Variants in SCGB1D1 observed in about 807,000 individuals in gnomAD.
SCGB1D1 encodes the protein lipophilin A (uteroglobin family member).
Under a neutral mutation model 8.3 loss-of-function variants are expected in SCGB1D1, and 10 were observed. The observed-to-expected ratio is 1.21, with a 90% CI of 0.74 to 2.05. SCGB1D1 has a LOEUF of 2.05. Among genes scored for constraint, SCGB1D1 ranks in the 30% most tolerant of loss-of-function variants. The probability of loss-of-function intolerance (pLI) is 0.00; values close to 1 mark genes in which losing one functional copy is unlikely to be tolerated. For synonymous variants in SCGB1D1, 46 were observed against 41.7 expected, an observed-to-expected ratio of 1.10 and a Z score of -0.39; for missense variants, 94 against 105.1, an observed-to-expected ratio of 0.89 and a Z score of 0.46.
In SCGB1D1 at chr11:62,190,317, G is replaced by A. The variant is rs141616772; in HGVS notation, c.33G>A (p.Thr11=). 5.6e-5 allele frequency: 91 copies of A among 1,614,036 alleles called. No individual in the cohort carries two copies. Among genetic ancestry groups the A allele is most frequent in the Middle Eastern group, 1.6e-4 (1 of 6,082 alleles). MRLSVCLLLL[T]LALCCYRANA... is the part of the protein sequence containing the mutation. Reference sequence around the variant, plus strand: ...TGTCGGTGTGTCTCCTGCTGCTCACGCTGGCCCTTTGCTGCTACCGGGGTG... The same window carrying A: ...TGTCGGTGTGTCTCCTGCTGCTCACACTGGCCCTTTGCTGCTACCGGGGTG... Residue 11 remains threonine, a synonymous_variant, in exon 1 of 3, where the codon ACG becomes ACA. Coordinates refer to ENST00000306238, the MANE Select transcript of SCGB1D1 (RefSeq NM_006552.2).
Position 62,190,330 on chromosome 11 carries a change from T to C in SCGB1D1, c.46T>C (p.Cys16Arg), listed in dbSNP as rs777011732. The C allele has an allele frequency of 1.9e-6, 3 of 1,614,172 alleles. No homozygotes were observed. The highest frequency in any genetic ancestry group is 2.2e-5 in the South Asian group (2 of 91,086). ...CLLLLTLALC[C>R]YRANAVVCQA... The stretch of plus-strand genomic sequence containing the variant: ...CCTGCTGCTCACGCTGGCCCTTTGC[T>C]GCTACCGGGGTGAGTACATCAGTCA... The change falls in exon 1 of 3, where the codon TGC becomes CGC. Residue 16 changes from cysteine to arginine, a missense_variant. Physicochemically the swap from Cys to Arg is radical, Grantham distance 180. Coordinates refer to ENST00000306238, the MANE Select transcript of SCGB1D1 (RefSeq NM_006552.2).
Position 62,193,453 on chromosome 11 carries a change from T to C in SCGB1D1, c.*25T>C, listed in dbSNP as rs1192473598. 1 of 1,595,058 alleles carries C rather than the reference T, an allele frequency of 6.3e-7. No individual in the cohort carries two copies. Among genetic ancestry groups the C allele is most frequent in the South Asian group, 1.1e-5 (1 of 90,334 alleles). On this transcript the variant is annotated 3_prime_UTR_variant, in exon 3 of 3. Transcript: ENST00000306238. ...AGATGTAAAAAGTTTTTAATGCTAG[T>C]TTCCACCATCTTTCAATGATACCCT...
intron 2 of SCGB1D1, 30 bp downstream of exon 2, chr11:62,192,273 C>A: frequency 1.3e-6 from 2 of 1,578,632 alleles, no homozygotes; most frequent in Non-Finnish European, 8.7e-7. Context: ...TGTGTCCAGG[C>A]TTCTGGTCAG....
rs1234074506 is a variant in SCGB1D1 at position 62,192,520 on chromosome 11, C to A, written c.243+277C>A. Among the ~76,000 whole-genome samples, 4 of 152,214 alleles carry A rather than the reference C, an allele frequency of 2.6e-5. No individual in the cohort carries two copies. The East Asian group carries it at 7.7e-4, about 29-fold the overall frequency. Reference sequence around the variant, plus strand: ...TGTGCTGAGGACATGGGGAGTGAGCCTGGGTCCAGGCAGGGGTGGTGAAGG... The same window carrying A: ...TGTGCTGAGGACATGGGGAGTGAGCATGGGTCCAGGCAGGGGTGGTGAAGG... On this transcript the variant is annotated intron_variant, in intron 2 of 2. Transcript: ENST00000306238.
intron 2 of SCGB1D1, among the ~76,000 whole-genome samples, chr11:62,192,521 TG>T (rs1184783666): frequency 1.3e-5 from 2 of 152,194 alleles, no homozygotes; most frequent in Non-Finnish European, 2.9e-5. Flanking sequence ...GGAGTGAGCC[TG>T]GGTCCAGGCA....
chr11:62,191,152 T>C (rs1944675093), intron 1 of SCGB1D1, among the ~76,000 whole-genome samples: 1 of 152,204 alleles, frequency 6.6e-6, no homozygotes, highest in African/African-American at 2.4e-5. Context: ...TTCTCTTTCC[T>C]CTTCTTTTCT....
rs149421071 is a variant in SCGB1D1 at position 62,192,098 on chromosome 11, G to C, written c.98G>C (p.Gly33Ala). The change falls in exon 2 of 3, where the codon GGC becomes GCC. Residue 33 changes from glycine (G) to alanine (A), a missense_variant. By Grantham distance (60) the Gly-to-Ala change is moderately conservative (BLOSUM62 0). Transcript: ENST00000306238. ...CAAGCTCTTGGTTCTGAAATCACAG[G>C]CTTCTTATTAGCTGGAAAACCTGTG... ...VCQALGSEIT[G>A]FLLAGKPVFK... 419 of 1,612,258 alleles carry C rather than the reference G, an allele frequency of 2.6e-4. 1 individual carries two copies. The highest frequency in any genetic ancestry group is 3.4e-4 in the Non-Finnish European group (405 of 1,178,702).
Position 62,190,357 on chromosome 11 carries a change from G to A in SCGB1D1, c.55+18G>A, listed in dbSNP as rs748011615. On this transcript the variant is annotated intron_variant, in intron 1 of 2. Coordinates refer to ENST00000306238, the MANE Select transcript of SCGB1D1 (RefSeq NM_006552.2). Reference sequence around the variant, plus strand: ...CTACCGGGGTGAGTACATCAGTCATGAGTCCAGCACCAGCCCTTGGGACAC... The same window carrying A: ...CTACCGGGGTGAGTACATCAGTCATAAGTCCAGCACCAGCCCTTGGGACAC... 41 of 1,614,056 alleles carry A rather than the reference G, an allele frequency of 2.5e-5. No individual in the cohort carries two copies. Among genetic ancestry groups the A allele is most frequent in the African/African-American group, 5.3e-5 (4 of 74,930 alleles).
At position 62,190,218 on chromosome 11, in the gene SCGB1D1, G is replaced by T; in HGVS notation, c.-67G>T. ...AGCCCTGGGCTCCACGGCTCCACAG[G>T]CTCCCGGGGCTGAGTCTAAATCACT... On this transcript the variant is annotated 5_prime_UTR_variant, in exon 1 of 3. Coordinates refer to ENST00000306238, the MANE Select transcript of SCGB1D1 (RefSeq NM_006552.2). The T allele has an allele frequency of 1.2e-6, 2 of 1,604,236 alleles. No individual in the cohort carries two copies. Among genetic ancestry groups the T allele is most frequent in the Non-Finnish European group, 1.7e-6 (2 of 1,172,042 alleles).
chr11:62,191,255 C>T (rs906677270), intron 1 of SCGB1D1, among the ~76,000 whole-genome samples: 3 of 152,048 alleles, frequency 2.0e-5, no homozygotes, highest in African/African-American at 7.2e-5. Flanking sequence ...TCATGTTGAG[C>T]ATGGTGGGGC....
chr11:62,192,195 C>G lies in SCGB1D1; in HGVS notation c.195C>G (p.Cys65Trp), dbSNP rs777772272. ...CAGCCAAGATGGAAGTGAAGAAATG[C>G]GTGGATACGATGGCCTATGAGAAAA... ...AVAAKMEVKK[C>W]VDTMAYEKRV... The change falls in exon 2 of 3, where the codon TGC becomes TGG. Residue 65 changes from cysteine to tryptophan, a missense_variant. By Grantham distance (215) the Cys-to-Trp change is radical. Coordinates refer to ENST00000306238, the MANE Select transcript of SCGB1D1 (RefSeq NM_006552.2). 6.2e-7 allele frequency: 1 copy of G among 1,613,440 alleles called. No homozygotes were observed. The highest frequency in any genetic ancestry group is 8.5e-7 in the Non-Finnish European group (1 of 1,179,540).
chr11:62,191,128 C>T (rs936791709), intron 1 of SCGB1D1, among the ~76,000 whole-genome samples: 2 of 152,166 alleles, frequency 1.3e-5, no homozygotes, highest in Non-Finnish European at 2.9e-5. Flanking sequence ...CAGGACCGAT[C>T]CAGACTCTGA....
Position 62,192,992 on chromosome 11 carries a change from A to G in SCGB1D1, c.244-407A>G, listed in dbSNP as rs577092963. On this transcript the variant is annotated intron_variant, in intron 2 of 2. Transcript: ENST00000306238. Reference sequence around the variant, plus strand: ...CTGCAGGCTCAGGATTGAGGTGCTCAGGCCCTGAGGCAGAATTCCCACATG... The same window carrying G: ...CTGCAGGCTCAGGATTGAGGTGCTCGGGCCCTGAGGCAGAATTCCCACATG... Among the ~76,000 whole-genome samples the G allele has an allele frequency of 8.5e-5, 13 of 152,280 alleles. No homozygotes were observed. In the East Asian group the frequency reaches 1.5e-3, roughly 18 times the overall value.
intron 1 of SCGB1D1, 25 bp from the exon 2 acceptor site, chr11:62,192,031 T>A: frequency 6.3e-7 from 1 of 1,574,834 alleles, no homozygotes; most frequent in Non-Finnish European, 8.7e-7. Context: ...CTTACACAAA[T>A]TATATTTTTA....
chr11:62,190,468 T>C, intron 1 of SCGB1D1, 129 bp downstream of exon 1: 1 of 1,078,714 alleles, frequency 9.3e-7, no homozygotes, highest in Admixed American at 2.2e-5. Context: ...CCTGTGCTTG[T>C]TGAAGGAACT....
intron 2 of SCGB1D1, 25 bp downstream of exon 2, chr11:62,192,268 C>T: frequency 6.3e-7 from 1 of 1,586,434 alleles, no homozygotes; most frequent in Non-Finnish European, 8.6e-7. Context: ...TTTCATGTGT[C>T]CAGGCTTCTG....
intron 2 of SCGB1D1, 90 bp downstream of exon 2, chr11:62,192,333 C>T: frequency 8.3e-7 from 1 of 1,198,374 alleles, no homozygotes; most frequent in South Asian, 1.5e-5. Context: ...GTGAGGGACA[C>T]AGGTGGTGGG....
At position 62,193,447 on chromosome 11, in the gene SCGB1D1, T is replaced by C; in HGVS notation, c.*19T>C. ...TCGCTGAGATGTAAAAAGTTTTTAA[T>C]GCTAGTTTCCACCATCTTTCAATGA... On this transcript the variant is annotated 3_prime_UTR_variant, in exon 3 of 3. Coordinates refer to ENST00000306238, the MANE Select transcript of SCGB1D1 (RefSeq NM_006552.2). 6.2e-7 allele frequency: 1 copy of C among 1,604,242 alleles called. No homozygotes were observed. Among genetic ancestry groups the C allele is most frequent in the Non-Finnish European group, 8.5e-7 (1 of 1,171,716 alleles).
chr11:62,190,819 C>A (rs933365448), intron 1 of SCGB1D1, among the ~76,000 whole-genome samples: 1 of 152,146 alleles, frequency 6.6e-6, no homozygotes, highest in African/African-American at 2.4e-5. Context: ...CGTCCCCAGA[C>A]CTTTAGGTGC....
Sources: gnomAD v4.1 joint callset for allele counts (sites outside exome capture counted in the v4.1 genomes callset) on GRCh38, gnomAD v4.1.1 for gene constraint, MANE v1.5 for transcripts, NCBI Gene and HGNC (gene_info 2026-07-23, HGNC 2026-07-21) for gene names.